Variants in ST7 observed in about 807,000 individuals in gnomAD.
The protein encoded by ST7 is suppression of tumorigenicity 7.
In ST7, 28 loss-of-function variants were observed where a neutral mutation model predicts 78.7. The ratio of observed to expected loss-of-function variants is 0.36; its 90% CI spans 0.26 to 0.49. The LOEUF (loss-of-function observed/expected upper bound fraction) is 0.49, where lower values mean the gene tolerates loss of function less well. ST7 is among the 20% of genes least tolerant of loss of function. The pLI, the probability that ST7 is intolerant of heterozygous loss-of-function variation, is 0.99. For synonymous variants in ST7, 247 were observed against 249.6 expected (o/e 0.99, Z 0.10); for missense variants, 418 against 696.0 (o/e 0.60, Z 4.49).
chr7:117,226,986 A>G (rs2099481541), intron 15 of ST7, among the ~76,000 whole-genome samples: 1 of 152,190 alleles, frequency 6.6e-6, no homozygotes, highest in Admixed American at 6.5e-5. Context: ...CAGCATGGGG[A>G]AAAGGGAGCA....
chr7:117,201,893 C>T (rs949481481), intron 12 of ST7, among the ~76,000 whole-genome samples: 6 of 152,154 alleles, frequency 3.9e-5, no homozygotes, highest in African/African-American at 9.7e-5. Context: ...TCCTTTCCTG[C>T]GCTGCCACGC....
At chr7:116,972,048 G>A (rs892952088) in intron 1 of ST7, 7 of 469,652 alleles carry the variant, frequency 1.5e-5, no homozygotes, top group Admixed American at 7.4e-5. Context: ...AGGCAAAAGC[G>A]GAAAGCAGCC....
At position 117,139,819 on chromosome 7, in the gene ST7, C is replaced by T. The variant is rs117518533; in HGVS notation, c.963+1287C>T. Among the ~76,000 whole-genome samples the T allele has an allele frequency of 1.2e-4, 18 of 152,206 alleles. No individual in the cohort carries two copies. In the East Asian group the frequency reaches 2.5e-3, roughly 21 times the overall value. On this transcript the variant is annotated intron_variant, in intron 9 of 15. Transcript: ENST00000323984. ...AATTTTAAGAAAAGGAGATTTCTGC[C>T]GAGATATGAACTTGCTCTCAAAGCT... is the stretch of plus-strand genomic sequence containing the variant.
intron 1 of ST7, among the ~76,000 whole-genome samples, chr7:117,043,904 A>G (rs1217334751): frequency 6.6e-6 from 1 of 152,102 alleles, no homozygotes; most frequent in East Asian, 1.9e-4. Flanking sequence ...AATGATCTGT[A>G]TTTCTTAACT....
At chr7:117,181,061 A>G (rs1272854759) in intron 10 of ST7, among the ~76,000 whole-genome samples, 1 of 152,212 alleles carries the variant, frequency 6.6e-6, no homozygotes. Context: ...GGAGATACAG[A>G]GAGTTTTTTT....
intron 12 of ST7, among the ~76,000 whole-genome samples, chr7:117,198,104 T>G (rs1429024538): frequency 3.3e-5 from 5 of 152,230 alleles, no homozygotes; most frequent in African/African-American, 1.2e-4. Flanking sequence ...CGTTACTTCC[T>G]GTCCACAGGA....
intron 10 of ST7, among the ~76,000 whole-genome samples, chr7:117,185,046 A>C (rs141421006): frequency 6.6e-6 from 1 of 152,340 alleles, no homozygotes; most frequent in African/African-American, 2.4e-5. Flanking sequence ...TGGAGCAGGC[A>C]GCCTAAATAC....
At chr7:116,961,103 G>A (rs570072095) in intron 1 of ST7, among the ~76,000 whole-genome samples, 8 of 152,222 alleles carry the variant, frequency 5.3e-5, no homozygotes, top group East Asian at 1.9e-4. Context: ...CAGATTTGTC[G>A]AAGATCAGAT....
chr7:117,184,451 A>G (rs954821955), intron 10 of ST7, among the ~76,000 whole-genome samples: 1 of 152,236 alleles, frequency 6.6e-6, no homozygotes, highest in Non-Finnish European at 1.5e-5. Context: ...ATTACAGGCA[A>G]TATTGGAAAG....
chr7:117,022,227 G>A (rs997303997), intron 1 of ST7, among the ~76,000 whole-genome samples: 5 of 152,174 alleles, frequency 3.3e-5, no homozygotes, highest in African/African-American at 1.2e-4. Context: ...TTACTGAAGA[G>A]AATAGAATAT....
intron 1 of ST7, among the ~76,000 whole-genome samples, chr7:117,047,171 A>G (rs1797534063): frequency 6.6e-6 from 1 of 152,180 alleles, no homozygotes; most frequent in Admixed American, 6.5e-5. Context: ...ATGGTTTTTG[A>G]TGTTCTTATG....
At chr7:117,157,568 A>G (rs1169953718) in intron 9 of ST7, among the ~76,000 whole-genome samples, 1 of 152,196 alleles carries the variant, frequency 6.6e-6, no homozygotes, top group Non-Finnish European at 1.5e-5. Flanking sequence ...CAGCATGAAT[A>G]TTTGTTAACT....
intron 9 of ST7, among the ~76,000 whole-genome samples, chr7:117,140,025 T>A (rs964267744): frequency 6.6e-6 from 1 of 152,214 alleles, no homozygotes; most frequent in African/African-American, 2.4e-5. Flanking sequence ...AGGCATGCAT[T>A]GAGGAGCTAA....
intron 10 of ST7, chr7:117,184,343 A>G (rs1373744336): frequency 6.6e-6 from 1 of 152,240 alleles, no homozygotes; most frequent in Admixed American, 6.5e-5. Flanking sequence ...GCCACTTACA[A>G]AAGTCAGAAG....
intron 6 of ST7, among the ~76,000 whole-genome samples, chr7:117,132,376 T>C (rs1804433663): frequency 6.6e-6 from 1 of 151,728 alleles, no homozygotes; most frequent in African/African-American, 2.4e-5. Flanking sequence ...AAAAAAAAAT[T>C]TTAGAAAATA....
At chr7:117,036,742 A>G (rs1796919095) in intron 1 of ST7, among the ~76,000 whole-genome samples, 1 of 152,144 alleles carries the variant, frequency 6.6e-6, no homozygotes, top group Non-Finnish European at 1.5e-5. Context: ...ATATGATATC[A>G]TATACTTTTG....
chr7:117,135,561 C>G (rs1804721336), intron 7 of ST7, among the ~76,000 whole-genome samples: 1 of 151,992 alleles, frequency 6.6e-6, no homozygotes, highest in African/African-American at 2.4e-5. Context: ...TGAAGAAATC[C>G]TTAGATTGAA....
chr7:117,011,379 G>T (rs959876598), intron 1 of ST7, among the ~76,000 whole-genome samples: 3 of 152,130 alleles, frequency 2.0e-5, no homozygotes, highest in Admixed American at 1.3e-4. Context: ...AAAGGAGTAG[G>T]TATCAGCAGG....
chr7:117,191,072 T>C, intron 12 of ST7, 136 bp downstream of exon 12: 1 of 686,750 alleles, frequency 1.5e-6, no homozygotes, highest in Non-Finnish European at 2.5e-6. Flanking sequence ...CTGTATAATG[T>C]ATGGGCATTA....
Sources: gnomAD v4.1 joint callset for allele counts (sites outside exome capture counted in the v4.1 genomes callset) on GRCh38, gnomAD v4.1.1 for gene constraint, MANE v1.5 for transcripts, NCBI Gene and HGNC (gene_info 2026-07-23, HGNC 2026-07-21) for gene names.